DDAH1: variants seen among roughly 807,000 people sequenced by gnomAD.
DDAH1 encodes the protein dimethylarginine dimethylaminohydrolase 1.
A neutral mutation model predicts 28.8 loss-of-function variants in DDAH1; 19 were observed. The ratio of observed to expected loss-of-function variants is 0.66; its 90% CI spans 0.46 to 0.97. The LOEUF is 0.97. Ranked by LOEUF, DDAH1 falls within the 50% of genes least tolerant of loss-of-function variation. DDAH1 has a pLI of 0.00. For synonymous variants in DDAH1, 153 were observed against 154.4 expected (o/e 0.99, Z 0.07); for missense variants, 326 against 375.9 (o/e 0.87, Z 1.10).
chr1:85,371,290 T>G (rs1650372883), intron 1 of DDAH1, among the ~76,000 whole-genome samples: 1 of 152,194 alleles, frequency 6.6e-6, no homozygotes, highest in Admixed American at 6.6e-5. Context: ...GCCACTTGCT[T>G]GTACATTTTC....
intron 1 of DDAH1, among the ~76,000 whole-genome samples, chr1:85,402,355 G>A (rs1265923670): frequency 6.6e-6 from 1 of 151,868 alleles, no homozygotes; most frequent in East Asian, 1.9e-4. Context: ...TCTAGCCAGG[G>A]TCTAAGTGTG....
intron 1 of DDAH1, among the ~76,000 whole-genome samples, chr1:85,411,134 C>T (rs1177874176): frequency 6.6e-6 from 1 of 152,160 alleles, no homozygotes; most frequent in African/African-American, 2.4e-5. Context: ...CACAAGTTAT[C>T]ACAGCATCAC....
chr1:85,462,823 A>C (rs1478302238), intron 1 of DDAH1, among the ~76,000 whole-genome samples: 1 of 152,262 alleles, frequency 6.6e-6, no homozygotes, highest in Non-Finnish European at 1.5e-5. Flanking sequence ...CAGGAGACCC[A>C]AACCCAGAGG....
chr1:85,390,394 G>C (rs79043925), intron 1 of DDAH1, among the ~76,000 whole-genome samples: 1 of 152,100 alleles, frequency 6.6e-6, no homozygotes, highest in African/African-American at 2.4e-5. Flanking sequence ...ATTCTACAGC[G>C]TATGTGGGGA....
At chr1:85,437,778 T>A (rs1654007575) in intron 1 of DDAH1, among the ~76,000 whole-genome samples, 1 of 152,236 alleles carries the variant, frequency 6.6e-6, no homozygotes, top group South Asian at 2.1e-4. Context: ...CACATAAGCA[T>A]AGTTTACCAC....
intron 1 of DDAH1, among the ~76,000 whole-genome samples, chr1:85,540,061 CTTT>C (rs1476980765): frequency 2.6e-5 from 4 of 151,912 alleles, no homozygotes; most frequent in African/African-American, 9.7e-5. Context: ...TCAATAATCT[CTTT>C]TTAATAAAAA....
intron 4 of DDAH1, among the ~76,000 whole-genome samples, chr1:85,332,893 T>G (rs1249387600): frequency 1.3e-5 from 2 of 152,176 alleles, no homozygotes; most frequent in Non-Finnish European, 2.9e-5. Flanking sequence ...GATTGGGGAC[T>G]GGGCTGCCCA....
chr1:85,450,826 G>T (rs1168069212), intron 1 of DDAH1, among the ~76,000 whole-genome samples: 1 of 152,176 alleles, frequency 6.6e-6, no homozygotes, highest in African/African-American at 2.4e-5. Flanking sequence ...AATGTGTAAA[G>T]ATACTTAAAA....
rs1557686884 is a variant in DDAH1 at position 85,491,043 on chromosome 1, A to ACTCTTTTTTTTTTTTTT, written c.-7+5122_-7+5123insAAAAAAAAAAAAAAGAG. 3.0e-4 allele frequency among the ~76,000 whole-genome samples: 24 copies of ACTCTTTTTTTTTTTTTT among 79,340 alleles called. 12 individuals carry two copies. The highest frequency in any genetic ancestry group is 3.8e-4 in the Non-Finnish European group (16 of 42,166). The allele number at this position is 79,340 out of a possible 152,430, so 52.1% of individuals were successfully genotyped here. Reference sequence around the variant, plus strand: ...TCTTCTAATGACAACAGTAACATGTATTCTTTTTTTTTTTTTTTTTTTTGA... The same window carrying ACTCTTTTTTTTTTTTTT: ...TCTTCTAATGACAACAGTAACATGTACTCTTTTTTTTTTTTTTTTCTTTTTTTTTTTTTTTTTTTTGA... On this transcript the variant is annotated intron_variant, in intron 2 of 6. Transcript: ENST00000426972.
At chr1:85,363,036 CATA>C (rs1557524656) in intron 1 of DDAH1, among the ~76,000 whole-genome samples, 1 of 152,170 alleles carries the variant, frequency 6.6e-6, no homozygotes, top group East Asian at 1.9e-4. Flanking sequence ...AAGCTATATT[CATA>C]ATAACTTGTT....
intron 1 of DDAH1, among the ~76,000 whole-genome samples, chr1:85,401,501 CTT>C (rs34520534): frequency 1.2e-3 from 125 of 103,334 alleles, no homozygotes; most frequent in East Asian, 2.4e-3. Flanking sequence ...TTTTTTCTTT[CTT>C]TTTTTTTTTT....
chr1:85,339,510 T>G lies in DDAH1; in HGVS notation c.597+10905A>C, dbSNP rs372290410. On this transcript the variant is annotated intron_variant, in intron 4 of 5. Coordinates refer to ENST00000284031, the MANE Select transcript of DDAH1 (RefSeq NM_012137.4). ...TGGACAAATACAACATTTTGAAAGA[T>G]GAAAACAAGGAAAAATAGTAAGTGA... is the stretch of plus-strand genomic sequence containing the variant. 3.3e-5 allele frequency among the ~76,000 whole-genome samples: 5 copies of G among 152,176 alleles called. No homozygotes were observed. In the South Asian group the frequency reaches 8.3e-4, roughly 25 times the overall value.
intron 1 of DDAH1, among the ~76,000 whole-genome samples, chr1:85,385,608 A>G (rs973970040): frequency 1.3e-5 from 2 of 152,150 alleles, no homozygotes; most frequent in Non-Finnish European, 2.9e-5. Context: ...TGGCAGGAAG[A>G]TGGTATAGGA....
chr1:85,534,006 A>T (rs1337107160), intron 1 of DDAH1, among the ~76,000 whole-genome samples: 1 of 152,222 alleles, frequency 6.6e-6, no homozygotes, highest in Non-Finnish European at 1.5e-5. Context: ...ACTAGAACTG[A>T]CACCTTGTAG....
At chr1:85,578,131 T>C (rs1407973774) in exon 1 of DDAH1, 6 of 333,764 alleles carry the variant, frequency 1.8e-5, no homozygotes, top group African/African-American at 2.2e-5. Context: ...TCTTGCCTAA[T>C]GTCGTCGATT....
At chr1:85,491,312 T>C (rs1413568561) in intron 2 of DDAH1, among the ~76,000 whole-genome samples, 1 of 152,134 alleles carries the variant, frequency 6.6e-6, no homozygotes, top group Admixed American at 6.6e-5. Context: ...CCAATTATAT[T>C]ACTCCATCTT....
chr1:85,559,625 A>G (rs150346283), intron 1 of DDAH1, among the ~76,000 whole-genome samples: 342 of 152,304 alleles, frequency 2.2e-3, no homozygotes, highest in Non-Finnish European at 3.6e-3. Flanking sequence ...TGTGATGAGA[A>G]GTGAAAATCT....
chr1:85,427,271 TAAAAA>T (rs58534051), intron 1 of DDAH1, among the ~76,000 whole-genome samples: 13,246 of 142,142 alleles, frequency 0.093, 626 homozygotes, highest in Middle Eastern at 0.13. Flanking sequence ...CCAAGTGAGC[TAAAAA>T]AAAAAAAAAA....
At chr1:85,382,096 G>A (rs1393561579) in intron 1 of DDAH1, among the ~76,000 whole-genome samples, 1 of 152,214 alleles carries the variant, frequency 6.6e-6, no homozygotes, top group Non-Finnish European at 1.5e-5. Context: ...AGTGAGGAAG[G>A]TATGTTAAAA....
Sources: allele counts gnomAD v4.1 joint callset (sites outside exome capture counted in the v4.1 genomes callset), GRCh38; gene constraint gnomAD v4.1.1; transcripts MANE v1.5; gene names NCBI Gene and HGNC (gene_info 2026-07-23, HGNC 2026-07-21).